The following CELF4 variants were observed in gnomAD, a reference collection of about 807,000 sequenced individuals.
CELF4 encodes the protein CUG-BP- and ETR-3-like factor 4.
CELF4 carries 18 observed loss-of-function variants against 59.9 expected under a neutral mutation model. That is an observed-to-expected ratio of 0.30 (90% CI 0.21 to 0.45). The LOEUF (loss-of-function observed/expected upper bound fraction) is 0.45. Ranked by LOEUF, CELF4 falls within the 20% of genes least tolerant of loss-of-function variation. CELF4 has a pLI of 1.00. For synonymous variants in CELF4, 261 were observed against 267.1 expected (o/e 0.98, Z 0.22); for missense variants, 456 against 689.0 (o/e 0.66, Z 3.79).
chr18:37,565,311 C>A, intron 1 of CELF4, 45 bp downstream of exon 1: 1 of 1,461,870 alleles, frequency 6.8e-7, no homozygotes, highest in Non-Finnish European at 9.1e-7. Context: ...GCCCGCCAGC[C>A]CGCTCCTGCT....
intron 2 of CELF4, among the ~76,000 whole-genome samples, chr18:37,420,620 T>C (rs1603638114): frequency 1.3e-5 from 2 of 152,146 alleles, no homozygotes; most frequent in East Asian, 1.9e-4. Flanking sequence ...AGGGTGCAGG[T>C]GCTTGCAGGA....
intron 2 of CELF4, among the ~76,000 whole-genome samples, chr18:37,376,780 G>T (rs908949916): frequency 2.0e-5 from 3 of 152,220 alleles, no homozygotes; most frequent in Non-Finnish European, 2.9e-5. Context: ...TTTTCCTCTG[G>T]CCTGGCAAGG....
intron 3 of CELF4, among the ~76,000 whole-genome samples, chr18:37,283,216 C>T (rs1419568263): frequency 2.0e-5 from 3 of 151,912 alleles, no homozygotes; most frequent in Non-Finnish European, 4.4e-5. Flanking sequence ...CCTCCTCCTT[C>T]TACCCTGAGG....
At chr18:37,467,622 C>T (rs1354065074) in intron 2 of CELF4, among the ~76,000 whole-genome samples, 2 of 152,132 alleles carry the variant, frequency 1.3e-5, no homozygotes, top group African/African-American at 2.4e-5. Flanking sequence ...GAAGGAGAGT[C>T]AAAGAGGAGT....
At chr18:37,551,653 GA>G (rs1187728815) in intron 1 of CELF4, among the ~76,000 whole-genome samples, 1 of 152,174 alleles carries the variant, frequency 6.6e-6, no homozygotes. Context: ...AGTCTGTGGG[GA>G]CAATCTGAAT....
intron 1 of CELF4, among the ~76,000 whole-genome samples, chr18:37,506,359 A>T (rs1288728960): frequency 2.6e-5 from 4 of 152,066 alleles, no homozygotes; most frequent in Non-Finnish European, 5.9e-5. Context: ...GGAGATGTGG[A>T]GATGTGGACA....
At chr18:37,343,728 C>T (rs1178441848) in intron 2 of CELF4, among the ~76,000 whole-genome samples, 2 of 152,076 alleles carry the variant, frequency 1.3e-5, no homozygotes, top group Admixed American at 1.3e-4. Context: ...GCCATGACAG[C>T]TGGATGCTGC....
chr18:37,392,520 C>G (rs940382011), intron 2 of CELF4, among the ~76,000 whole-genome samples: 1 of 152,202 alleles, frequency 6.6e-6, no homozygotes, highest in Admixed American at 6.5e-5. Context: ...GCAGCGCTCA[C>G]TGCAAGGCCA....
intron 1 of CELF4, among the ~76,000 whole-genome samples, chr18:37,496,220 G>A (rs894028473): frequency 5.3e-5 from 8 of 152,194 alleles, no homozygotes; most frequent in Admixed American, 3.3e-4. Context: ...CGAGTGCTTG[G>A]TTGAGCAGCT....
intron 2 of CELF4, among the ~76,000 whole-genome samples, chr18:37,350,287 C>G (rs900655042): frequency 1.3e-5 from 2 of 152,172 alleles, no homozygotes; most frequent in African/African-American, 4.8e-5. Context: ...CTTGACTATC[C>G]AGAACATTCT....
chr18:37,462,942 T>A (rs2154602226), intron 2 of CELF4, among the ~76,000 whole-genome samples: 1 of 152,194 alleles, frequency 6.6e-6, no homozygotes, highest in African/African-American at 2.4e-5. Context: ...TAATGCAAGG[T>A]GTACCATGTG....
chr18:37,487,847 T>A (rs1234321526), intron 1 of CELF4, among the ~76,000 whole-genome samples: 1 of 152,212 alleles, frequency 6.6e-6, no homozygotes, highest in African/African-American at 2.4e-5. Flanking sequence ...GGAAAAAGAA[T>A]CTGTTGCTTT....
chr18:37,439,554 A>C (rs1281328057), intron 2 of CELF4, among the ~76,000 whole-genome samples: 4 of 152,108 alleles, frequency 2.6e-5, no homozygotes, highest in African/African-American at 9.7e-5. Context: ...TCTTCTCCTA[A>C]GAAGTCTTGT....
chr18:37,275,391 A>AGGGGGACG (rs1289418671), intron 3 of CELF4, 148 bp from the exon 4 acceptor site: 2 of 12,150 alleles, frequency 1.6e-4, no homozygotes, highest in East Asian at 4.9e-3. Context: ...GGTGCGGGGG[A>AGGGGGACG]GGGGGACGGG....
chr18:37,487,330 A>T (rs1375640747), intron 1 of CELF4, among the ~76,000 whole-genome samples: 2 of 152,190 alleles, frequency 1.3e-5, no homozygotes, highest in Non-Finnish European at 2.9e-5. Flanking sequence ...AAAGAAGGAA[A>T]CAGGGAGAAA....
intron 1 of CELF4, among the ~76,000 whole-genome samples, chr18:37,488,002 C>T (rs1348661679): frequency 2.0e-5 from 3 of 151,986 alleles, no homozygotes; most frequent in Admixed American, 6.6e-5. Flanking sequence ...CCAGTCTTCC[C>T]CTGGCCCCAC....
chr18:37,324,816 T>C (rs2097249314), intron 2 of CELF4, among the ~76,000 whole-genome samples: 1 of 152,202 alleles, frequency 6.6e-6, no homozygotes, highest in Admixed American at 6.5e-5. Flanking sequence ...TCCTGTGATG[T>C]ATGCAAATAG....
chr18:37,543,629 C>T (rs1484984685), intron 1 of CELF4, among the ~76,000 whole-genome samples: 8 of 152,176 alleles, frequency 5.3e-5, no homozygotes, highest in Admixed American at 6.5e-5. Flanking sequence ...AACCAGCAGC[C>T]GGACCTAAGC....
At chr18:37,487,604 G>A (rs1330606260) in intron 1 of CELF4, among the ~76,000 whole-genome samples, 2 of 152,122 alleles carry the variant, frequency 1.3e-5, no homozygotes, top group South Asian at 2.1e-4. Context: ...TCGTGCTGCC[G>A]CCTGCTTCTC....
Sources: allele counts gnomAD v4.1 joint callset (sites outside exome capture counted in the v4.1 genomes callset), GRCh38; gene constraint gnomAD v4.1.1; transcripts MANE v1.5; gene names NCBI Gene and HGNC (gene_info 2026-07-23, HGNC 2026-07-21).